TCF4: variants seen among roughly 807,000 people sequenced by gnomAD.
TCF4 encodes the protein SL3-3 enhancer factor 2.
A neutral mutation model predicts 82.1 loss-of-function variants in TCF4; 3 were observed. That is an observed-to-expected ratio of 0.04 (90% CI 0.02 to 0.09). The LOEUF (loss-of-function observed/expected upper bound fraction) is 0.09, where lower values mean the gene tolerates loss of function less well. Among genes scored for constraint, TCF4 ranks in the 10% least tolerant of loss-of-function variants. The probability of loss-of-function intolerance (pLI) is 1.00; values close to 1 mark genes in which losing one functional copy is unlikely to be tolerated. For missense variants in TCF4, 518 were observed against 852.7 expected (o/e 0.61, Z 4.89); for synonymous variants, 276 against 309.6 (o/e 0.89, Z 1.14).
At chr18:55,368,240 G>C (rs1356778748) in intron 6 of TCF4, among the ~76,000 whole-genome samples, 1 of 152,080 alleles carries the variant, frequency 6.6e-6, no homozygotes, top group Non-Finnish European at 1.5e-5. Context: ...ACAAAAATTA[G>C]CATGGTGGCA....
At chr18:55,474,454 T>C (rs1022850054) in intron 3 of TCF4, among the ~76,000 whole-genome samples, 1 of 152,186 alleles carries the variant, frequency 6.6e-6, no homozygotes, top group African/African-American at 2.4e-5. Context: ...CCAAACTAAA[T>C]AAAATAAATT....
chr18:55,298,419 C>A (rs1417380376), intron 8 of TCF4, among the ~76,000 whole-genome samples: 1 of 152,198 alleles, frequency 6.6e-6, no homozygotes, highest in African/African-American at 2.4e-5. Flanking sequence ...TGTTAAGTGA[C>A]CCACCATGTT....
At position 55,368,847 on chromosome 18, in the gene TCF4, G is replaced by A. The variant is rs1031659926; in HGVS notation, c.370-17844C>T. On this transcript the variant is annotated intron_variant, in intron 6 of 19. Coordinates refer to ENST00000354452, the MANE Select transcript of TCF4 (RefSeq NM_001083962.2). Reference sequence around the variant, plus strand: ...GGATTCTGATTCAAACATGCCAGCTGTAAAAAGGCATTTGTGAGACAACTG... The same window carrying A: ...GGATTCTGATTCAAACATGCCAGCTATAAAAAGGCATTTGTGAGACAACTG... Among the ~76,000 whole-genome samples the A allele has an allele frequency of 4.6e-5, 7 of 152,298 alleles. 1 individual carries two copies. In the East Asian group the frequency reaches 1.3e-3, roughly 29 times the overall value.
At chr18:55,408,844 A>C (rs998487247) in intron 5 of TCF4, among the ~76,000 whole-genome samples, 1 of 152,150 alleles carries the variant, frequency 6.6e-6, no homozygotes, top group Admixed American at 6.5e-5. Flanking sequence ...AGTATAAATA[A>C]ACTAGAGGCC....
At chr18:55,634,237 C>G (rs752936539) in intron 1 of TCF4, among the ~76,000 whole-genome samples, 1 of 151,984 alleles carries the variant, frequency 6.6e-6, no homozygotes, top group Non-Finnish European at 1.5e-5. Context: ...CCACTGCACT[C>G]CAGCCTGGGG....
intron 3 of TCF4, among the ~76,000 whole-genome samples, chr18:55,581,660 G>A (rs1431911515): frequency 2.0e-5 from 3 of 151,712 alleles, no homozygotes; most frequent in African/African-American, 7.3e-5. Flanking sequence ...TTAATTTTCT[G>A]TATCATACAA....
At chr18:55,414,862 C>A (rs2094472680) in intron 5 of TCF4, among the ~76,000 whole-genome samples, 1 of 152,132 alleles carries the variant, frequency 6.6e-6, no homozygotes. Flanking sequence ...TCAATGTCTG[C>A]CAGTGAGCAC....
rs564643478 is a variant in TCF4 at position 55,368,039 on chromosome 18, C to A, written c.370-17036G>T. 5.9e-5 allele frequency among the ~76,000 whole-genome samples: 9 copies of A among 152,324 alleles called. No individual in the cohort carries two copies. The South Asian group carries it at 1.9e-3, about 32-fold the overall frequency. On this transcript the variant is annotated intron_variant, in intron 6 of 19. Coordinates refer to ENST00000354452, the MANE Select transcript of TCF4 (RefSeq NM_001083962.2). ...ATCTTGAGAAATGAATGGCCACATACTACTTCTTGAATGAAGCAAATAACA... is the reference window on the plus strand; with the variant it reads ...ATCTTGAGAAATGAATGGCCACATAATACTTCTTGAATGAAGCAAATAACA...
chr18:55,350,262 C>T, intron 8 of TCF4, 97 bp downstream of exon 8: 1 of 1,303,818 alleles, frequency 7.7e-7, no homozygotes, highest in South Asian at 1.2e-5. Context: ...ACGTGCTGCT[C>T]TGGGCGCATG....
rs60244407 is a variant in TCF4, at chr18:55,496,896, CAA to C, written c.146-32761_146-32760del. Among the ~76,000 whole-genome samples the C allele has an allele frequency of 9.0e-3, 977 of 108,684 alleles. 7 individuals are homozygous for C. The highest frequency in any genetic ancestry group is 0.024 in the African/African-American group (706 of 29,832). The allele number at this position is 108,684 out of a possible 152,430, so 71.3% of individuals were successfully genotyped here. On this transcript the variant is annotated intron_variant, in intron 3 of 19. Coordinates refer to ENST00000354452, the MANE Select transcript of TCF4 (RefSeq NM_001083962.2). ...AAACTGAACAAGAGCTGTAAAATTA[CAA>C]AAAAAAAAAAAAAAAAAGTTTAAAG...
chr18:55,469,267 C>T (rs560319839), intron 3 of TCF4, among the ~76,000 whole-genome samples: 38 of 152,008 alleles, frequency 2.5e-4, no homozygotes, highest in Non-Finnish European at 5.0e-4. Context: ...AGTTTGAAGC[C>T]AGCCTGGCCA....
At chr18:55,531,477 T>C (rs1309246198) in intron 3 of TCF4, among the ~76,000 whole-genome samples, 5 of 152,120 alleles carry the variant, frequency 3.3e-5, no homozygotes, top group Non-Finnish European at 7.4e-5. Context: ...AATAGAAATA[T>C]AGAGATATGG....
intron 3 of TCF4, among the ~76,000 whole-genome samples, chr18:55,546,290 G>C (rs193124604): frequency 5.6e-4 from 86 of 152,266 alleles, no homozygotes; most frequent in Admixed American, 1.2e-3. Flanking sequence ...AGTGAGCTAT[G>C]ATGATGCCTC....
rs1288368315 is a variant in TCF4, at chr18:55,239,260, T to TAG, written c.1351-4579_1351-4578dup. On this transcript the variant is annotated intron_variant, in intron 15 of 19. Transcript: ENST00000354452. ...AGAAACACTTTTAAATCACAGAACTTAGACGTCGAGGGCTTGGAGGACCTT... is the reference window on the plus strand; with the variant it reads ...AGAAACACTTTTAAATCACAGAACTTAGAGACGTCGAGGGCTTGGAGGACCTT... Among the ~76,000 whole-genome samples, 5 of 152,202 alleles carry TAG rather than the reference T, an allele frequency of 3.3e-5. 1 individual carries two copies. Among genetic ancestry groups the TAG allele is most frequent in the African/African-American group, 1.2e-4 (5 of 41,438 alleles).
intron 3 of TCF4, among the ~76,000 whole-genome samples, chr18:55,521,835 C>A (rs902753168): frequency 6.6e-6 from 1 of 152,168 alleles, no homozygotes; most frequent in Admixed American, 6.5e-5. Context: ...AGAAAGCTAA[C>A]TAACTACTGG....
At chr18:55,554,541 T>C (rs2097288063) in intron 3 of TCF4, among the ~76,000 whole-genome samples, 1 of 152,190 alleles carries the variant, frequency 6.6e-6, no homozygotes, top group Non-Finnish European at 1.5e-5. Context: ...TGAACATGAC[T>C]TCTCATGTAT....
chr18:55,562,166 A>G (rs1230675349), intron 3 of TCF4, among the ~76,000 whole-genome samples: 1 of 152,210 alleles, frequency 6.6e-6, no homozygotes, highest in Non-Finnish European at 1.5e-5. Context: ...TATTTGCAAC[A>G]GAGAGTCTGT....
chr18:55,393,563 C>T (rs1325005987), intron 6 of TCF4, among the ~76,000 whole-genome samples: 1 of 152,026 alleles, frequency 6.6e-6, no homozygotes, highest in African/African-American at 2.4e-5. Context: ...ATTTTGTAAC[C>T]TTTGCATGTA....
At chr18:55,410,166 A>AT (rs956522862) in intron 5 of TCF4, among the ~76,000 whole-genome samples, 13 of 152,020 alleles carry the variant, frequency 8.6e-5, no homozygotes, top group Admixed American at 5.2e-4. Flanking sequence ...GCAGTAAACC[A>AT]TTTTTTTCTG....
Sources: allele counts gnomAD v4.1 joint callset (sites outside exome capture counted in the v4.1 genomes callset), GRCh38; gene constraint gnomAD v4.1.1; transcripts MANE v1.5; gene names NCBI Gene and HGNC (gene_info 2026-07-23, HGNC 2026-07-21).